The following CASR variants were observed in gnomAD, a reference collection of about 807,000 sequenced individuals.
The protein encoded by CASR is extracellular calcium-sensing receptor.
Under a neutral mutation model 69.1 loss-of-function variants are expected in CASR, and 23 were observed. The observed-to-expected ratio is 0.33, with a 90% CI of 0.24 to 0.47. The LOEUF is 0.47. Among genes scored for constraint, CASR ranks in the 20% least tolerant of loss-of-function variants. CASR has a pLI of 1.00. For missense variants in CASR, 924 were observed against 1,356.1 expected, an observed-to-expected ratio of 0.68 and a Z score of 5.00; for synonymous variants, 541 against 544.7, an observed-to-expected ratio of 0.99 and a Z score of 0.10.
intron 1 of CASR, among the ~76,000 whole-genome samples, chr3:122,195,168 ATCC>A (rs1357470287): frequency 3.9e-5 from 6 of 152,120 alleles, no homozygotes; most frequent in African/African-American, 9.7e-5. Context: ...AGAGCTTGTA[ATCC>A]TCCTTTTGTA....
Position 122,284,183 on chromosome 3 carries a change from C to G in CASR, c.2229C>G (p.Leu743=), listed in dbSNP as rs372578790. The change falls in exon 7 of 7, where the codon CTC becomes CTG. Residue 743 remains leucine, a synonymous_variant. Coordinates refer to ENST00000639785, the MANE Select transcript of CASR (RefSeq NM_000388.4). ...AGATTGTCATCTGTGTGATCTGGCT[C>G]TACACCGCGCCCCCGTCAAGCTACC... The part of the protein sequence containing the change: ...FMQIVICVIW[L]YTAPPSSYRN... 29 of 1,613,856 alleles carry G rather than the reference C, an allele frequency of 1.8e-5. No homozygotes were observed. The highest frequency in any genetic ancestry group is 1.6e-4 in the Middle Eastern group (1 of 6,084).
At chr3:122,243,979 T>C (rs2074403269) in intron 1 of CASR, among the ~76,000 whole-genome samples, 1 of 152,036 alleles carries the variant, frequency 6.6e-6, no homozygotes, top group African/African-American at 2.4e-5. Context: ...ATTAAAACAA[T>C]TGAACTCATG....
intron 1 of CASR, among the ~76,000 whole-genome samples, chr3:122,197,406 C>A (rs1352729892): frequency 6.6e-6 from 1 of 152,120 alleles, no homozygotes; most frequent in African/African-American, 2.4e-5. Context: ...AGCTATCTTT[C>A]TTTACCCTCA....
intron 1 of CASR, among the ~76,000 whole-genome samples, chr3:122,188,386 C>T (rs185795132): frequency 6.6e-6 from 1 of 152,120 alleles, no homozygotes; most frequent in Non-Finnish European, 1.5e-5. Flanking sequence ...GTCTGTTATC[C>T]TTTGACTCTG....
At chr3:122,184,831 T>C (rs1204619211) in intron 1 of CASR, among the ~76,000 whole-genome samples, 1 of 152,240 alleles carries the variant, frequency 6.6e-6, no homozygotes, top group East Asian at 1.9e-4. Flanking sequence ...GCCTCTGCCT[T>C]GTTTCTGCCT....
intron 1 of CASR, among the ~76,000 whole-genome samples, chr3:122,206,920 C>CT (rs917631067): frequency 4.0e-5 from 6 of 151,862 alleles, no homozygotes; most frequent in Admixed American, 1.3e-4. Flanking sequence ...TTGTTGTTTC[C>CT]TTTTTTTGCT....
intron 1 of CASR, among the ~76,000 whole-genome samples, chr3:122,241,360 A>G (rs1433809611): frequency 6.6e-6 from 1 of 152,168 alleles, no homozygotes; most frequent in Non-Finnish European, 1.5e-5. Flanking sequence ...TACAACTGAT[A>G]CCACAGAAAT....
At chr3:122,282,071 C>G (rs1034039364) in intron 5 of CASR, 42 bp from the exon 6 acceptor site, 8 of 1,614,002 alleles carry the variant, frequency 5.0e-6, no homozygotes, top group Admixed American at 3.3e-5. Flanking sequence ...GCCCCTGACC[C>G]TACAACTACA....
chr3:122,253,074 T>C (rs561429782), intron 1 of CASR, among the ~76,000 whole-genome samples: 1 of 152,302 alleles, frequency 6.6e-6, no homozygotes, highest in South Asian at 2.1e-4. Context: ...CTGAATTTCG[T>C]ATAAGAACTG....
intron 1 of CASR, among the ~76,000 whole-genome samples, chr3:122,223,657 TGAG>T (rs1345730322): frequency 6.6e-6 from 1 of 152,268 alleles, no homozygotes; most frequent in South Asian, 2.1e-4. Flanking sequence ...TCCAAAAAAT[TGAG>T]GAGGAGGAGA....
At chr3:122,189,964 T>C (rs2073823857) in intron 1 of CASR, among the ~76,000 whole-genome samples, 1 of 152,216 alleles carries the variant, frequency 6.6e-6, no homozygotes, top group South Asian at 2.1e-4. Context: ...CCCAACTGCA[T>C]GTCAGATGTT....
chr3:122,252,417 G>GAAAGAAAGAAAGAAAGAA (rs2074502173), intron 1 of CASR, among the ~76,000 whole-genome samples: 3 of 28,680 alleles, frequency 1.0e-4, no homozygotes, highest in Admixed American at 2.9e-4. Flanking sequence ...GAAAAAGAAA[G>GAAAGAAAGAAAGAAAGAA]AAAGAAAGAA....
chr3:122,265,019 A>G (rs2074674639), intron 4 of CASR, among the ~76,000 whole-genome samples: 1 of 152,198 alleles, frequency 6.6e-6, no homozygotes, highest in Admixed American at 6.5e-5. Context: ...TTGGCACAGC[A>G]TCTTTGCATA....
intron 1 of CASR, among the ~76,000 whole-genome samples, chr3:122,233,758 G>A (rs1287588795): frequency 6.6e-6 from 1 of 152,172 alleles, no homozygotes; most frequent in African/African-American, 2.4e-5. Context: ...TCACAGGAAG[G>A]TAACCAGCTC....
chr3:122,212,225 C>T (rs1172426045), intron 1 of CASR, among the ~76,000 whole-genome samples: 1 of 152,052 alleles, frequency 6.6e-6, no homozygotes, highest in Non-Finnish European at 1.5e-5. Context: ...ATATTATGCA[C>T]CCATAAAAAG....
chr3:122,262,146 G>T lies in CASR; in HGVS notation c.1111G>T (p.Asp371Tyr). The change falls in exon 4 of 7, where the codon GAC (aspartate) becomes TAC (tyrosine). Residue 371 changes from aspartate (D) to tyrosine (Y), a missense_variant. This residue lies in a region of CASR where 310 missense variants were observed against 395.7 expected (regional missense o/e 0.78). Coordinates refer to ENST00000639785, the MANE Select transcript of CASR (RefSeq NM_000388.4). ...QEGAKGPLPV[D>Y]TFLRGHEESG... Reference sequence around the variant, plus strand: ...AGGTGCAAAAGGACCTTTACCTGTGGACACCTTTCTGAGAGGTCACGAAGA... The same window carrying T: ...AGGTGCAAAAGGACCTTTACCTGTGTACACCTTTCTGAGAGGTCACGAAGA... The T allele has an allele frequency of 6.2e-7, 1 of 1,614,158 alleles. No homozygotes were observed. The highest frequency in any genetic ancestry group is 8.5e-7 in the Non-Finnish European group (1 of 1,180,024).
rs905693981 is a variant in CASR, at chr3:122,277,072, G to A, written c.1608+1030G>A. On this transcript the variant is annotated intron_variant, in intron 5 of 6. Transcript: ENST00000639785. ...TCTTTTTTTTTTTTTTTTTTGAGATGGGGTCTGGCTCTGTTGCCTAGGCTG... is the reference window on the plus strand; with the variant it reads ...TCTTTTTTTTTTTTTTTTTTGAGATAGGGTCTGGCTCTGTTGCCTAGGCTG... Among the ~76,000 whole-genome samples the A allele has an allele frequency of 6.0e-5, 8 of 134,392 alleles. No homozygotes were observed. In the South Asian group the frequency reaches 1.4e-3, roughly 24 times the overall value. 88.2% of individuals were successfully genotyped at this position (134,392 alleles called of 152,430 possible).
chr3:122,252,362 AGAAGGAAG>A (rs11273970), intron 1 of CASR, among the ~76,000 whole-genome samples: 3 of 26,254 alleles, frequency 1.1e-4, no homozygotes, highest in African/African-American at 4.7e-4. Flanking sequence ...AAAGAAAGAA[AGAAGGAAG>A]GAAGGAAGGA....
chr3:122,259,555 T>A (rs1312183136), intron 3 of CASR, among the ~76,000 whole-genome samples: 1 of 144,802 alleles, frequency 6.9e-6, no homozygotes, highest in Non-Finnish European at 1.6e-5. Flanking sequence ...GTTGGCCTAA[T>A]TTTTTTACAG....
Sources: allele counts gnomAD v4.1 joint callset (sites outside exome capture counted in the v4.1 genomes callset), GRCh38; gene constraint gnomAD v4.1.1; regional missense constraint gnomAD v4.1.1; transcripts MANE v1.5; gene names NCBI Gene and HGNC (gene_info 2026-07-23, HGNC 2026-07-21).